The following PBRM1 variants were observed in gnomAD, a reference collection of about 807,000 sequenced individuals.
PBRM1 encodes polybromo 1.
Under a neutral mutation model 194.5 loss-of-function variants are expected in PBRM1, and 27 were observed. That is an observed-to-expected ratio of 0.14 (90% confidence interval 0.10 to 0.19). The LOEUF (loss-of-function observed/expected upper bound fraction) is 0.19. PBRM1 is among the 10% of genes least tolerant of loss of function. PBRM1 has a pLI of 1.00. For missense variants in PBRM1, 1,466 were observed against 2,077.2 expected (o/e 0.71, Z 5.72); for synonymous variants, 655 against 693.2 (o/e 0.94, Z 0.87).
intron 14 of PBRM1, among the ~76,000 whole-genome samples, chr3:52,616,373 T>C (rs1576799862): frequency 6.6e-6 from 1 of 152,314 alleles, no homozygotes; most frequent in East Asian, 1.9e-4. Flanking sequence ...AGACTGTATC[T>C]CAGTTACAAC....
intron 21 of PBRM1, among the ~76,000 whole-genome samples, chr3:52,577,622 A>G (rs905212464): frequency 6.6e-6 from 1 of 152,072 alleles, no homozygotes; most frequent in Non-Finnish European, 1.5e-5. Flanking sequence ...CCTCAGGCTT[A>G]CACACAGGAG....
upstream of PBRM1, among the ~76,000 whole-genome samples, chr3:52,680,488 T>C (rs2097185110): frequency 6.6e-6 from 1 of 152,178 alleles, no homozygotes; most frequent in African/African-American, 2.4e-5. Flanking sequence ...ACGTACTCTA[T>C]TTAACTATAA....
intron 27 of PBRM1, among the ~76,000 whole-genome samples, chr3:52,553,236 A>G (rs1295100555): frequency 1.3e-5 from 2 of 152,222 alleles, no homozygotes; most frequent in Non-Finnish European, 2.9e-5. Flanking sequence ...CATTCCCTCC[A>G]TCCAGATTAC....
chr3:52,596,369 C>T (rs1405636471), intron 17 of PBRM1, among the ~76,000 whole-genome samples: 4 of 128,242 alleles, frequency 3.1e-5, no homozygotes, highest in Admixed American at 9.7e-5. Flanking sequence ...ACCCAGGAGG[C>T]GGAGGTTGCA....
At chr3:52,624,122 T>A (rs558214307) in intron 13 of PBRM1, among the ~76,000 whole-genome samples, 1 of 152,316 alleles carries the variant, frequency 6.6e-6, no homozygotes, top group East Asian at 1.9e-4. Context: ...CATGCAATGA[T>A]CCTATACAAC....
chr3:52,666,051 TAA>T (rs1425860875), intron 3 of PBRM1, among the ~76,000 whole-genome samples: 1 of 151,578 alleles, frequency 6.6e-6, no homozygotes, highest in Non-Finnish European at 1.5e-5. Context: ...TTAGAGGTAA[TAA>T]GAGGAAAAAA....
chr3:52,566,242 G>A (rs537420692), intron 22 of PBRM1, among the ~76,000 whole-genome samples: 2 of 152,072 alleles, frequency 1.3e-5, no homozygotes, highest in South Asian at 4.2e-4. Context: ...ATCTTGGTGG[G>A]ACTGTAAAAT....
intron 2 of PBRM1, among the ~76,000 whole-genome samples, chr3:52,677,915 G>A (rs530940259): frequency 1.3e-5 from 2 of 152,184 alleles, no homozygotes; most frequent in African/African-American, 4.8e-5. Flanking sequence ...CCATCACCCA[G>A]GTTGGAGTGC....
chr3:52,587,507 T>C, exon 19 of PBRM1: 1 of 1,599,402 alleles, frequency 6.3e-7, no homozygotes, highest in South Asian at 1.1e-5. Context: ...CAACCATTTT[T>C]CACCTCAAAA....
chr3:52,623,028 G>C (rs2095333580), intron 13 of PBRM1, among the ~76,000 whole-genome samples: 3 of 152,180 alleles, frequency 2.0e-5, no homozygotes, highest in South Asian at 4.1e-4. Flanking sequence ...CTGAGGCTTA[G>C]AGACAGCAAA....
chr3:52,638,985 TTGG>T (rs1375172925), intron 10 of PBRM1, among the ~76,000 whole-genome samples: 5 of 47,800 alleles, frequency 1.0e-4, no homozygotes, highest in African/African-American at 3.1e-4. Flanking sequence ...ACATTTTTTT[TTGG>T]GGGGGGGGGG....
chr3:52,550,882 C>A, intron 27 of PBRM1, 65 bp from the exon 30 acceptor site: 1 of 1,045,366 alleles, frequency 9.6e-7, no homozygotes, highest in Non-Finnish European at 1.5e-6. Context: ...AAACTACTGT[C>A]TGATAAGAAA....
chr3:52,571,888 A>AAAAAAAAAT (rs2087473793), intron 22 of PBRM1, among the ~76,000 whole-genome samples: 1 of 137,060 alleles, frequency 7.3e-6, no homozygotes, highest in African/African-American at 2.6e-5. Context: ...AAAAAAAAAA[A>AAAAAAAAAT]TTAGCTGGGA....
intron 13 of PBRM1, among the ~76,000 whole-genome samples, 154 bp downstream of exon 14, chr3:52,627,119 A>T (rs1354321624): frequency 6.6e-6 from 1 of 152,202 alleles, no homozygotes; most frequent in Non-Finnish European, 1.5e-5. Context: ...AAAAAAAGCT[A>T]ATCATCCAAT....
At chr3:52,624,802 A>G (rs2095393798) in intron 13 of PBRM1, 95 bp downstream of exon 15, 1 of 806,618 alleles carries the variant, frequency 1.2e-6, no homozygotes, top group Non-Finnish European at 2.0e-6. Flanking sequence ...TTTTTTTCAC[A>G]TGCTTAAGGC....
intron 6 of PBRM1, 29 bp from the exon 8 acceptor site, chr3:52,648,471 C>A (rs2096391545): frequency 8.3e-7 from 1 of 1,197,622 alleles, no homozygotes; most frequent in Non-Finnish European, 1.2e-6. Context: ...TATAGCAGTT[C>A]CTTTTAATGA....
intron 2 of PBRM1, among the ~76,000 whole-genome samples, chr3:52,674,496 A>AAAAG (rs1553891667): frequency 1.2e-4 from 17 of 138,212 alleles, no homozygotes; most frequent in African/African-American, 2.9e-4. Context: ...AAAAAAAAAA[A>AAAAG]AGAGAGAGAG....
At chr3:52,648,686 C>T (rs1033321901) in intron 6 of PBRM1, among the ~76,000 whole-genome samples, 2 of 152,104 alleles carry the variant, frequency 1.3e-5, no homozygotes, top group Non-Finnish European at 2.9e-5. Flanking sequence ...AAATAAATTA[C>T]AATTTTTAAA....
intron 17 of PBRM1, among the ~76,000 whole-genome samples, chr3:52,601,612 C>T (rs1265376133): frequency 6.6e-6 from 1 of 151,890 alleles, no homozygotes; most frequent in Admixed American, 6.6e-5. Context: ...GTGGGGGTGC[C>T]TGGCTTGAGG....
Sources: gnomAD v4.1 joint callset for allele counts (sites outside exome capture counted in the v4.1 genomes callset) on GRCh38, gnomAD v4.1.1 for gene constraint, MANE v1.5 for transcripts, NCBI Gene and HGNC (gene_info 2026-07-23, HGNC 2026-07-21) for gene names.